GLIS1: variants seen among roughly 807,000 people sequenced by gnomAD.
The protein encoded by GLIS1 is zinc finger protein GLIS1.
In GLIS1, 24 loss-of-function variants were observed where a neutral mutation model predicts 63.8. That is an observed-to-expected ratio of 0.38 (90% CI 0.27 to 0.53). The LOEUF (loss-of-function observed/expected upper bound fraction) is 0.53. Ranked by LOEUF, GLIS1 falls within the 20% of genes least tolerant of loss-of-function variation. The pLI, the probability that GLIS1 is intolerant of heterozygous loss-of-function variation, is 0.85. For missense variants in GLIS1, 1,036 were observed against 1,074.1 expected (o/e 0.96, Z 0.50); for synonymous variants, 450 against 482.5 (o/e 0.93, Z 0.88).
intron 2 of GLIS1, among the ~76,000 whole-genome samples, chr1:53,607,831 C>T (rs1645386195): frequency 1.3e-5 from 2 of 152,156 alleles, no homozygotes; most frequent in Admixed American, 6.6e-5. Context: ...ATCAAGTTGC[C>T]AGTGAATTTG....
chr1:53,593,454 T>C (rs1024095289), intron 4 of GLIS1, among the ~76,000 whole-genome samples: 3 of 152,196 alleles, frequency 2.0e-5, no homozygotes, highest in Non-Finnish European at 4.4e-5. Flanking sequence ...CGTGCATGCA[T>C]GTGTGTGTGC....
intron 4 of GLIS1, among the ~76,000 whole-genome samples, chr1:53,583,032 C>T (rs1029524344): frequency 1.3e-5 from 2 of 152,196 alleles, no homozygotes; most frequent in Non-Finnish European, 2.9e-5. Flanking sequence ...GAAATGACCC[C>T]GTAAGCCAAA....
Position 53,646,063 on chromosome 1 carries a change from T to G in GLIS1, c.260-45785A>C, listed in dbSNP as rs1473705346. Among the ~76,000 whole-genome samples, 3 of 152,194 alleles carry G rather than the reference T, an allele frequency of 2.0e-5. No homozygotes were observed. ...ACACCTGCAACATCCAGCAACATAA[T>G]GCTGAATTTAAAAAGCAAATCTCAG... On this transcript the variant is annotated intron_variant, in intron 2 of 10. Transcript: ENST00000628545. The surrounding 1 kb of genome is among the most constrained non-coding windows in gnomAD (Gnocchi z 4.2).
chr1:53,625,886 T>A (rs1409139674), intron 2 of GLIS1, among the ~76,000 whole-genome samples: 1 of 152,200 alleles, frequency 6.6e-6, no homozygotes, highest in Non-Finnish European at 1.5e-5. Context: ...GCCATAACGC[T>A]GCACAGAGAA....
At chr1:53,729,757 C>G (rs1646841303) in intron 2 of GLIS1, among the ~76,000 whole-genome samples, 1 of 152,178 alleles carries the variant, frequency 6.6e-6, no homozygotes, top group Non-Finnish European at 1.5e-5. Flanking sequence ...CTTTAGGCAT[C>G]TGACATTCCA....
At chr1:53,518,819 G>A (rs191570403) in intron 7 of GLIS1, among the ~76,000 whole-genome samples, 3 of 152,330 alleles carry the variant, frequency 2.0e-5, no homozygotes, top group Non-Finnish European at 2.9e-5. Context: ...CTCAAGAGAT[G>A]GTAACTGCTG....
At chr1:53,597,329 C>T (rs1473445283) in intron 3 of GLIS1, among the ~76,000 whole-genome samples, 1 of 144,026 alleles carries the variant, frequency 6.9e-6, no homozygotes. Flanking sequence ...GCCGAGATGG[C>T]GCCATTGCAC....
chr1:53,719,295 T>C (rs1315904679), intron 2 of GLIS1, among the ~76,000 whole-genome samples: 2 of 152,210 alleles, frequency 1.3e-5, no homozygotes, highest in Non-Finnish European at 2.9e-5. Context: ...TGAGTGATCC[T>C]CTTAGAGCCC....
In GLIS1 at chr1:53,617,527, C is replaced by T. The variant is rs369900413; in HGVS notation, c.260-17249G>A. ...CCATCTCAGAAAATCACATCACCCT[C>T]GGCCACGCTACTTGTGACATCTGTG... On this transcript the variant is annotated intron_variant, in intron 2 of 10. Coordinates refer to ENST00000628545, the MANE Select transcript of GLIS1 (RefSeq NM_001367484.1). Among the ~76,000 whole-genome samples, 8 of 152,342 alleles carry T rather than the reference C, an allele frequency of 5.3e-5. No individual in the cohort carries two copies. In the East Asian group the frequency reaches 9.7e-4, roughly 18 times the overall value.
At chr1:53,588,627 T>C (rs1645159733) in intron 4 of GLIS1, among the ~76,000 whole-genome samples, 1 of 152,234 alleles carries the variant, frequency 6.6e-6, no homozygotes, top group African/African-American at 2.4e-5. Flanking sequence ...GAGGGGTGTG[T>C]GCTGGCCTTA....
intron 2 of GLIS1, among the ~76,000 whole-genome samples, chr1:53,666,392 T>C (rs1474230542): frequency 6.6e-6 from 1 of 152,196 alleles, no homozygotes; most frequent in Non-Finnish European, 1.5e-5. Context: ...CTGTAACTGA[T>C]AGCTTTCAGG....
intron 2 of GLIS1, among the ~76,000 whole-genome samples, chr1:53,669,534 C>T (rs1467855705): frequency 6.6e-6 from 1 of 152,238 alleles, no homozygotes; most frequent in Admixed American, 6.5e-5. Context: ...CTGGGTCAGA[C>T]ACTTCCTAGT....
At chr1:53,527,746 G>C (rs987921057) in intron 5 of GLIS1, among the ~76,000 whole-genome samples, 1 of 152,266 alleles carries the variant, frequency 6.6e-6, no homozygotes, top group African/African-American at 2.4e-5. Flanking sequence ...GCAACACAGA[G>C]CTGCCTGCGG....
At chr1:53,556,782 G>GGTATGTGT (rs1354434213) in intron 4 of GLIS1, among the ~76,000 whole-genome samples, 1 of 146,328 alleles carries the variant, frequency 6.8e-6, no homozygotes, top group Non-Finnish European at 1.5e-5. Context: ...GCATACTGCA[G>GGTATGTGT]GTATGTGTGT....
Position 53,529,848 on chromosome 1 carries a change from C to T in GLIS1, c.1425G>A (p.Gln475=), listed in dbSNP as rs1244145782. ...KPYLCQHPGC[Q]KAFSNSSDRA... ...GGTCGCTGGAGTTGCTGAAGGCCTTCTGGCAACCCGGGTGCTGGCACAGGT... is the reference window on the plus strand; with the variant it reads ...GGTCGCTGGAGTTGCTGAAGGCCTTTTGGCAACCCGGGTGCTGGCACAGGT... The change falls in exon 5 of 11, where the codon CAG becomes CAA. Residue 475 remains glutamine (Q), a synonymous_variant. Transcript: ENST00000628545. The T allele has an allele frequency of 1.2e-6, 2 of 1,613,844 alleles. No individual in the cohort carries two copies. Among genetic ancestry groups the T allele is most frequent in the South Asian group, 1.1e-5 (1 of 91,062 alleles).
chr1:53,666,893 A>G (rs937988843), intron 2 of GLIS1, among the ~76,000 whole-genome samples: 1 of 152,216 alleles, frequency 6.6e-6, no homozygotes, highest in African/African-American at 2.4e-5. Flanking sequence ...CTGCCCTAGA[A>G]CCAGGGACCA....
chr1:53,555,051 G>A (rs1012766657), intron 4 of GLIS1, among the ~76,000 whole-genome samples: 4 of 152,162 alleles, frequency 2.6e-5, no homozygotes, highest in Non-Finnish European at 2.9e-5. Flanking sequence ...AGGGACCCAC[G>A]GGACTGGCAT....
At chr1:53,565,676 A>AT (rs150024318) in intron 4 of GLIS1, among the ~76,000 whole-genome samples, 9,266 of 152,166 alleles carry the variant, frequency 0.061, 744 homozygotes, top group African/African-American at 0.18. Flanking sequence ...AATAGAAAGC[A>AT]TTAACAGTTC....
chr1:53,579,267 G>A (rs531984483), intron 4 of GLIS1, among the ~76,000 whole-genome samples: 52 of 152,276 alleles, frequency 3.4e-4, no homozygotes, highest in Non-Finnish European at 6.2e-4. Context: ...CACTCCTATT[G>A]CCCCCTGCCC....
Sources: allele counts gnomAD v4.1 joint callset (sites outside exome capture counted in the v4.1 genomes callset), GRCh38; gene constraint gnomAD v4.1.1; non-coding constraint Gnocchi (gnomAD v3.1); transcripts MANE v1.5; gene names NCBI Gene and HGNC (gene_info 2026-07-23, HGNC 2026-07-21).